ARID1B: variants seen among roughly 807,000 people sequenced by gnomAD.
The protein encoded by ARID1B is AT-rich interaction domain 1B.
ARID1B carries 30 observed loss-of-function variants against 212.3 expected under a neutral mutation model. The observed-to-expected ratio is 0.14, with a 90% confidence interval of 0.11 to 0.19. The LOEUF (loss-of-function observed/expected upper bound fraction) is 0.19. Among genes scored for constraint, ARID1B ranks in the 10% least tolerant of loss-of-function variants. The pLI, the probability that ARID1B is intolerant of heterozygous loss-of-function variation, is 1.00. For synonymous variants in ARID1B, 1,402 were observed against 1,301.7 expected, an observed-to-expected ratio of 1.08 and a Z score of -1.66; for missense variants, 2,891 against 3,204.0, an observed-to-expected ratio of 0.90 and a Z score of 2.36.
At chr6:156,970,120 C>A (rs959470880) in intron 4 of ARID1B, among the ~76,000 whole-genome samples, 3 of 151,890 alleles carry the variant, frequency 2.0e-5, no homozygotes, top group Non-Finnish European at 4.4e-5. Flanking sequence ...CACTCTGTTG[C>A]CCAGGCTGGA....
At chr6:156,971,213 G>GA (rs1776900374) in intron 4 of ARID1B, among the ~76,000 whole-genome samples, 1 of 152,076 alleles carries the variant, frequency 6.6e-6, no homozygotes, top group South Asian at 2.1e-4. Context: ...TGTGGTCTTG[G>GA]AAAAAATATG....
chr6:157,123,848 A>G (rs898227188), intron 6 of ARID1B, among the ~76,000 whole-genome samples: 4 of 152,210 alleles, frequency 2.6e-5, no homozygotes, highest in African/African-American at 9.6e-5. Flanking sequence ...TGTCATCCAC[A>G]TTTTTCAGAA....
At chr6:157,065,414 G>GTTTATACT (rs1265143238) in intron 4 of ARID1B, among the ~76,000 whole-genome samples, 1 of 152,120 alleles carries the variant, frequency 6.6e-6, no homozygotes, top group Non-Finnish European at 1.5e-5. Flanking sequence ...TGATATTGTG[G>GTTTATACT]TTTATACTTT....
At chr6:157,000,696 C>CTTTTTTTTTTTTTTTTT (rs10536002) in intron 4 of ARID1B, among the ~76,000 whole-genome samples, 31 of 99,226 alleles carry the variant, frequency 3.1e-4, no homozygotes, top group Non-Finnish European at 4.8e-4. Context: ...TCTAATTATT[C>CTTTTTTTTTTTTTTTTT]TTTTTTTTTT....
rs778806657 is a variant in ARID1B at position 157,203,879 on chromosome 6, G to A, written c.5277G>A (p.Ala1759=). 33 of 1,614,010 alleles carry A rather than the reference G, an allele frequency of 2.0e-5. No homozygotes were observed. The highest frequency in any genetic ancestry group is 9.3e-5 in the African/African-American group (7 of 74,918). ...ITSKDIVTPE[A]WRVMMSLKSG... is the part of the protein sequence containing the mutation. ...CCCCATCTTCAGTTACTCCTGAGGCGTGGCGTGTGATGATGTCCCTTAAAT... is the reference window on the plus strand; with the variant it reads ...CCCCATCTTCAGTTACTCCTGAGGCATGGCGTGTGATGATGTCCCTTAAAT... The change falls in exon 19 of 20, where the codon GCG becomes GCA. Residue 1759 remains alanine, a synonymous_variant. Transcript: ENST00000636930. The surrounding 1 kb of genome is among the most constrained non-coding windows in gnomAD (Gnocchi z 4.4).
At chr6:156,935,610 T>C (rs1792136862) in intron 4 of ARID1B, 34 bp downstream of exon 4, 1 of 1,533,968 alleles carries the variant, frequency 6.5e-7, no homozygotes, top group Non-Finnish European at 9.0e-7. Context: ...GGAAATGTAA[T>C]GAGTTAAAGA....
intron 4 of ARID1B, among the ~76,000 whole-genome samples, chr6:156,966,987 A>G (rs1794812904): frequency 6.6e-6 from 1 of 152,130 alleles, no homozygotes; most frequent in Non-Finnish European, 1.5e-5. Flanking sequence ...GGCATGAGCC[A>G]CCATGTCCTG....
At chr6:157,035,524 C>G (rs1245382092) in intron 4 of ARID1B, among the ~76,000 whole-genome samples, 13 of 152,154 alleles carry the variant, frequency 8.5e-5, no homozygotes, top group Non-Finnish European at 1.2e-4. Context: ...AATGAAAAGT[C>G]TATAATAAGG....
At chr6:157,057,287 C>T (rs540966582) in intron 4 of ARID1B, among the ~76,000 whole-genome samples, 9 of 152,176 alleles carry the variant, frequency 5.9e-5, no homozygotes, top group African/African-American at 2.2e-4. Context: ...TGAGCCACCA[C>T]GTGTCCTAAC....
intron 13 of ARID1B, chr6:157,184,714 A>G (rs1792845299): frequency 1.4e-5 from 7 of 504,456 alleles, no homozygotes; most frequent in Non-Finnish European, 2.5e-5. Flanking sequence ...TCTAAGCCAT[A>G]TACGTTTATT....
chr6:156,862,966 C>T lies in ARID1B; in HGVS notation c.1986+33545C>T, dbSNP rs547464705. Among the ~76,000 whole-genome samples the T allele has an allele frequency of 3.3e-5, 5 of 152,232 alleles. No homozygotes were observed. In the East Asian group the frequency reaches 5.8e-4, roughly 18 times the overall value. On this transcript the variant is annotated intron_variant, in intron 2 of 19. Transcript: ENST00000636930. ...GAACAGCAGAGGAGGTGGAGGGTGG[C>T]GTCAGTGCCTTGACGGAATATGGGC...
rs1789958026 is a variant in ARID1B at position 157,148,455 on chromosome 6, AG to A, written c.2762-168del. 6.6e-6 allele frequency among the ~76,000 whole-genome samples: 1 copy of A among 152,160 alleles called. No individual in the cohort carries two copies. Among genetic ancestry groups the A allele is most frequent in the Non-Finnish European group, 1.5e-5 (1 of 68,036 alleles). ...ACTCTCTGAGGGCCTGGGAGTGTGCAGAGAGAGCATGTTTGAGACTGGCAGC... is the reference window on the plus strand; with the variant it reads ...ACTCTCTGAGGGCCTGGGAGTGTGCAAGAGAGCATGTTTGAGACTGGCAGC... On this transcript the variant is annotated intron_variant, in intron 7 of 19. Coordinates refer to ENST00000636930, the MANE Select transcript of ARID1B (RefSeq NM_001374828.1). This position sits in a 1 kb window ranked among gnomAD's most constrained non-coding sequence, Gnocchi z 5.6.
chr6:157,053,673 T>C (rs1782749741), intron 4 of ARID1B, among the ~76,000 whole-genome samples: 1 of 152,202 alleles, frequency 6.6e-6, no homozygotes, highest in African/African-American at 2.4e-5. Context: ...CTTTGTTTTA[T>C]GAGATTAGGA....
At chr6:156,792,793 G>A (rs1040428321) in intron 1 of ARID1B, among the ~76,000 whole-genome samples, 1 of 152,174 alleles carries the variant, frequency 6.6e-6, no homozygotes, top group Non-Finnish European at 1.5e-5. Context: ...TCCGTTACAG[G>A]CGCTGTGGGA....
intron 8 of ARID1B, among the ~76,000 whole-genome samples, chr6:157,153,798 G>A (rs1318658693): frequency 6.6e-6 from 1 of 152,100 alleles, no homozygotes; most frequent in African/African-American, 2.4e-5. Flanking sequence ...ACCATACCTG[G>A]CTGATTTTAT....
intron 4 of ARID1B, among the ~76,000 whole-genome samples, chr6:157,028,271 C>A (rs762772706): frequency 2.6e-5 from 4 of 152,162 alleles, no homozygotes; most frequent in African/African-American, 4.8e-5. Context: ...GGACACCCAT[C>A]ATTTTTATTT....
At chr6:156,898,476 C>T (rs879505019) in intron 2 of ARID1B, among the ~76,000 whole-genome samples, 4 of 152,016 alleles carry the variant, frequency 2.6e-5, no homozygotes, top group East Asian at 1.9e-4. Flanking sequence ...GAGGGACAGC[C>T]GCCCAGATGC....
chr6:157,119,410 C>T (rs555624791), intron 6 of ARID1B, among the ~76,000 whole-genome samples: 2 of 152,292 alleles, frequency 1.3e-5, no homozygotes, highest in African/African-American at 2.4e-5. Context: ...TATCCAGCCC[C>T]GGCTTCCTTT....
chr6:156,993,999 C>A (rs1170328406), intron 4 of ARID1B, among the ~76,000 whole-genome samples: 4 of 152,034 alleles, frequency 2.6e-5, no homozygotes, highest in Admixed American at 6.5e-5. Flanking sequence ...GCCATTGTAC[C>A]ATAACAGAAA....
Sources: allele counts gnomAD v4.1 joint callset (sites outside exome capture counted in the v4.1 genomes callset), GRCh38; gene constraint gnomAD v4.1.1; non-coding constraint Gnocchi (gnomAD v3.1); transcripts MANE v1.5; gene names NCBI Gene and HGNC (gene_info 2026-07-23, HGNC 2026-07-21).